RCL1: variants seen among roughly 807,000 people sequenced by gnomAD.
The protein encoded by RCL1 is RNA terminal phosphate cyclase like 1.
Under a neutral mutation model 42.4 loss-of-function variants are expected in RCL1, and 24 were observed. That is an observed-to-expected ratio of 0.57 (90% CI 0.41 to 0.80). The LOEUF (loss-of-function observed/expected upper bound fraction) is 0.80, where lower values mean the gene tolerates loss of function less well. Ranked by LOEUF, RCL1 falls within the 30% of genes least tolerant of loss-of-function variation. RCL1 has a pLI of 0.00. For synonymous variants in RCL1, 228 were observed against 177.3 expected, an observed-to-expected ratio of 1.29 and a Z score of -2.27; for missense variants, 578 against 467.9, an observed-to-expected ratio of 1.24 and a Z score of -2.17.
intron 3 of RCL1, among the ~76,000 whole-genome samples, chr9:4,832,148 CACAAATGGATCAGAAAG>C (rs1380512844): frequency 6.6e-6 from 1 of 152,178 alleles, no homozygotes; most frequent in Non-Finnish European, 1.5e-5. Flanking sequence ...ATCAGGAATC[CACAAATGGATCAGAAAG>C]ACCCCAGACT....
At chr9:4,839,452 T>C (rs1385357398) in intron 5 of RCL1, 1 of 153,072 alleles carries the variant, frequency 6.5e-6, no homozygotes, top group Admixed American at 6.5e-5. Flanking sequence ...GAAAGAACTT[T>C]GGGAGCCGTG....
chr9:4,814,416 G>A (rs900101081), intron 1 of RCL1, among the ~76,000 whole-genome samples: 1 of 152,026 alleles, frequency 6.6e-6, no homozygotes, highest in African/African-American at 2.4e-5. Flanking sequence ...CCCTACAGGT[G>A]TTTGCCACCA....
Position 4,844,565 on chromosome 9 carries a change from A to T in RCL1, c.751A>T (p.Ser251Cys). The part of the protein sequence containing the change: ...FGLSLVAETT[S>C]GTFLSAELAS... ...GTTGTCACTGGTTGCTGAGACCACC[A>T]GTGGCACCTTCCTCAGTGCTGAACT... The change falls in exon 7 of 9, where the codon AGT becomes TGT. Residue 251 changes from serine (S) to cysteine (C), a missense_variant. Physicochemically the swap from Ser to Cys is moderately radical, Grantham distance 112. Coordinates refer to ENST00000381750, the MANE Select transcript of RCL1 (RefSeq NM_005772.5). 3.1e-6 allele frequency: 5 copies of T among 1,613,844 alleles called. No homozygotes were observed. The highest frequency in any genetic ancestry group is 3.4e-6 in the Non-Finnish European group (4 of 1,179,878).
chr9:4,808,113 T>G (rs1393979771), intron 1 of RCL1, among the ~76,000 whole-genome samples: 3 of 152,176 alleles, frequency 2.0e-5, no homozygotes, highest in African/African-American at 7.2e-5. Flanking sequence ...TGCTGATTTT[T>G]CTGTCTAGTT....
chr9:4,807,522 T>A (rs959560297), intron 1 of RCL1, among the ~76,000 whole-genome samples: 1 of 152,196 alleles, frequency 6.6e-6, no homozygotes, highest in African/African-American at 2.4e-5. Context: ...TGGTTATTTT[T>A]ATTTTTATTT....
chr9:4,845,034 C>T (rs941250878), intron 7 of RCL1, among the ~76,000 whole-genome samples: 5 of 152,176 alleles, frequency 3.3e-5, no homozygotes, highest in African/African-American at 4.8e-5. Flanking sequence ...CGGCACCCCC[C>T]GATTGCTGCC....
At chr9:4,811,805 CA>C (rs1563833256) in intron 1 of RCL1, among the ~76,000 whole-genome samples, 2 of 152,196 alleles carry the variant, frequency 1.3e-5, no homozygotes, top group African/African-American at 4.8e-5. Context: ...TACTAATTTA[CA>C]TTTCCACCAA....
At chr9:4,847,726 A>C (rs760103456) in intron 7 of RCL1, among the ~76,000 whole-genome samples, 1 of 152,184 alleles carries the variant, frequency 6.6e-6, no homozygotes, top group Non-Finnish European at 1.5e-5. Flanking sequence ...TTCTCGACCC[A>C]TTTCGGAAAG....
At chr9:4,796,258 A>T (rs561709405) in intron 1 of RCL1, among the ~76,000 whole-genome samples, 1 of 152,070 alleles carries the variant, frequency 6.6e-6, no homozygotes, top group African/African-American at 2.4e-5. Context: ...CCAGTCCCCA[A>T]TGTTTGTTAT....
chr9:4,842,928 A>G (rs990296997), intron 6 of RCL1, among the ~76,000 whole-genome samples: 1 of 152,192 alleles, frequency 6.6e-6, no homozygotes, highest in Non-Finnish European at 1.5e-5. Context: ...CCACCAGCTT[A>G]TAGTGTGGCT....
chr9:4,808,280 G>A (rs1816051191), intron 1 of RCL1, among the ~76,000 whole-genome samples: 1 of 151,926 alleles, frequency 6.6e-6, no homozygotes. Context: ...ATTATATAAT[G>A]TATCACTCTG....
intron 4 of RCL1, 100 bp from the exon 5 acceptor site, chr9:4,834,041 G>C (rs1817038565): frequency 5.2e-6 from 7 of 1,336,962 alleles, no homozygotes; most frequent in Non-Finnish European, 5.1e-6. Context: ...GCTATGCCTT[G>C]TAAGGAAGCA....
Position 4,793,169 on chromosome 9 carries a change from C to A in RCL1, c.78C>A (p.Ser26Arg). ...LRQRLVLSTLSGRPVKIRKIR... is the reference protein window; with the variant it reads ...LRQRLVLSTLRGRPVKIRKIR... The stretch of plus-strand genomic sequence containing the variant: ...AACGTCTGGTCCTGTCTACCCTGAG[C>A]GGGCGCCCCGTCAAAATCCGAAAGA... The change falls in exon 1 of 9, where the codon AGC (serine) becomes AGA (arginine). Residue 26 changes from serine to arginine, a missense_variant. Transcript: ENST00000381750. 1 of 1,611,360 alleles carries A rather than the reference C, an allele frequency of 6.2e-7. No homozygotes were observed. The highest frequency in any genetic ancestry group is 8.5e-7 in the Non-Finnish European group (1 of 1,178,846).
rs1459061410 is a variant in RCL1, at chr9:4,860,153, T to G, written c.1000T>G (p.Phe334Val). 1.2e-6 allele frequency: 2 copies of G among 1,604,242 alleles called. No homozygotes were observed. Among genetic ancestry groups the G allele is most frequent in the Non-Finnish European group, 1.7e-6 (2 of 1,175,994 alleles). ...TIEFLRHLKS[F>V]FQIMFKIETK... ...AGAATTTTTGCGGCATTTGAAGAGC[T>G]TTTTCCAGATTATGTTTAAAATTGA... is the stretch of plus-strand genomic sequence containing the variant. The change falls in exon 9 of 9, where the codon TTT becomes GTT. Residue 334 changes from phenylalanine to valine, a missense_variant. Coordinates refer to ENST00000381750, the MANE Select transcript of RCL1 (RefSeq NM_005772.5).
chr9:4,844,663 G>A lies in RCL1; in HGVS notation c.849G>A (p.Leu283=). The part of the protein sequence containing the change: ...EDLGRNCARL[L]LEEIYRGGCV... ...TTGGCAGGAACTGTGCCCGGCTGCT[G>A]CTGGAGGAAATCTACAGGGTATGTC... Residue 283 remains leucine (L), a synonymous_variant, in exon 7 of 9, where the codon CTG becomes CTA. Coordinates refer to ENST00000381750, the MANE Select transcript of RCL1 (RefSeq NM_005772.5). The A allele has an allele frequency of 1.2e-6, 2 of 1,613,302 alleles. No homozygotes were observed. The highest frequency in any genetic ancestry group is 2.2e-5 in the South Asian group (2 of 90,952).
intron 6 of RCL1, among the ~76,000 whole-genome samples, chr9:4,843,916 A>C (rs1817419032): frequency 6.6e-6 from 1 of 152,180 alleles, no homozygotes; most frequent in Admixed American, 6.5e-5. Context: ...TGTTAAGCAT[A>C]ACTCAGAGTG....
At chr9:4,858,080 G>A (rs986450915) in intron 8 of RCL1, among the ~76,000 whole-genome samples, 9 of 151,942 alleles carry the variant, frequency 5.9e-5, no homozygotes, top group East Asian at 3.9e-4. Flanking sequence ...GATGGGGGTC[G>A]TAATAGACTG....
intron 5 of RCL1, 28 bp downstream of exon 5, chr9:4,834,293 T>C (rs1817049176): frequency 7.8e-7 from 1 of 1,290,038 alleles, no homozygotes; most frequent in Non-Finnish European, 1.1e-6. Context: ...TTGGATTTCT[T>C]TTTTTTTTGT....
intron 1 of RCL1, among the ~76,000 whole-genome samples, chr9:4,818,241 G>A (rs1468985364): frequency 6.6e-6 from 1 of 151,980 alleles, no homozygotes; most frequent in African/African-American, 2.4e-5. Context: ...GATTTTTAAA[G>A]TGATAAATTT....
Sources: allele counts gnomAD v4.1 joint callset (sites outside exome capture counted in the v4.1 genomes callset), GRCh38; gene constraint gnomAD v4.1.1; transcripts MANE v1.5; gene names NCBI Gene and HGNC (gene_info 2026-07-23, HGNC 2026-07-21).